Variants in PRKCA observed in about 807,000 individuals in gnomAD.
PRKCA encodes the protein protein kinase C alpha.
In PRKCA, 27 loss-of-function variants were observed where a neutral mutation model predicts 87.0. That is an observed-to-expected ratio of 0.31 (90% CI 0.23 to 0.43). The LOEUF (loss-of-function observed/expected upper bound fraction) is 0.43, where lower values mean the gene tolerates loss of function less well. Among genes scored for constraint, PRKCA ranks in the 20% least tolerant of loss-of-function variants. The pLI, the probability that PRKCA is intolerant of heterozygous loss-of-function variation, is 1.00. For missense variants in PRKCA, 518 were observed against 852.3 expected, an observed-to-expected ratio of 0.61 and a Z score of 4.88; for synonymous variants, 329 against 311.1, an observed-to-expected ratio of 1.06 and a Z score of -0.61.
intron 2 of PRKCA, among the ~76,000 whole-genome samples, chr17:66,411,872 T>C (rs1911827532): frequency 6.6e-6 from 1 of 151,246 alleles, no homozygotes; most frequent in African/African-American, 2.4e-5. Context: ...TACTTTCTGG[T>C]AATTTTTGAG....
intron 2 of PRKCA, among the ~76,000 whole-genome samples, chr17:66,311,149 T>G (rs1032176797): frequency 6.6e-6 from 1 of 152,200 alleles, no homozygotes; most frequent in African/African-American, 2.4e-5. Flanking sequence ...TAATTAGAGA[T>G]AAACTCTTGG....
At chr17:66,766,883 C>T (rs1974824050) in intron 13 of PRKCA, among the ~76,000 whole-genome samples, 1 of 151,652 alleles carries the variant, frequency 6.6e-6, no homozygotes, top group Non-Finnish European at 1.5e-5. Context: ...TGGCTTTAAC[C>T]AAGTTAAACA....
chr17:66,747,930 G>A (rs527984132), intron 13 of PRKCA, among the ~76,000 whole-genome samples: 1 of 152,338 alleles, frequency 6.6e-6, no homozygotes, highest in East Asian at 1.9e-4. Flanking sequence ...GGGGTGCCGG[G>A]CCAGAAAGAG....
chr17:66,753,715 C>T lies in PRKCA; in HGVS notation c.1524+10955C>T, dbSNP rs377031712. ...GGGGAGAATGAACTCATCAAGGTGG[C>T]GCTCTGATCTGATAGGATTAGTGTT... On this transcript the variant is annotated intron_variant, in intron 13 of 16. Coordinates refer to ENST00000413366, the MANE Select transcript of PRKCA (RefSeq NM_002737.3). Among the ~76,000 whole-genome samples, 49 of 152,154 alleles carry T rather than the reference C, an allele frequency of 3.2e-4. No individual in the cohort carries two copies. The South Asian group carries it at 7.7e-3, about 24-fold the overall frequency.
intron 2 of PRKCA, among the ~76,000 whole-genome samples, chr17:66,316,868 C>T (rs1036656573): frequency 3.3e-5 from 5 of 152,040 alleles, no homozygotes; most frequent in Non-Finnish European, 5.9e-5. Flanking sequence ...AGCAGCCGGG[C>T]GTGGTGGCTC....
rs995699408 is a variant in PRKCA, at chr17:66,803,536, C to T, written c.1855-337C>T. Among the ~76,000 whole-genome samples the T allele has an allele frequency of 2.0e-5, 3 of 152,224 alleles. No individual in the cohort carries two copies. The highest frequency in any genetic ancestry group is 7.2e-5 in the African/African-American group (3 of 41,462). ...CAACACGGAGCTGTGACTGACGGCC[C>T]TGCGTGCGTGGCTTCCGTGCTCTCA... On this transcript the variant is annotated intron_variant, in intron 16 of 16. Coordinates refer to ENST00000413366, the MANE Select transcript of PRKCA (RefSeq NM_002737.3). The surrounding 1 kb of genome is among the most constrained non-coding windows in gnomAD (Gnocchi z 4.4).
intron 8 of PRKCA, among the ~76,000 whole-genome samples, chr17:66,716,185 T>C (rs2144143189): frequency 6.6e-6 from 1 of 152,036 alleles, no homozygotes; most frequent in South Asian, 2.1e-4. Context: ...AATTACCCAC[T>C]TCGAAGCCAT....
intron 5 of PRKCA, among the ~76,000 whole-genome samples, chr17:66,666,248 T>C (rs1164838954): frequency 1.3e-5 from 2 of 152,144 alleles, no homozygotes; most frequent in Non-Finnish European, 2.9e-5. Flanking sequence ...CTAGCAAACA[T>C]AGAATTATAA....
intron 2 of PRKCA, among the ~76,000 whole-genome samples, chr17:66,352,558 G>T (rs1334734304): frequency 3.7e-4 from 31 of 83,760 alleles, no homozygotes; most frequent in South Asian, 5.3e-4. Flanking sequence ...GTTTTTTGAG[G>T]TTTTTTTTTT....
At chr17:66,735,990 G>A (rs1176061495) in intron 10 of PRKCA, among the ~76,000 whole-genome samples, 1 of 138,582 alleles carries the variant, frequency 7.2e-6, no homozygotes, top group Non-Finnish European at 1.5e-5. Flanking sequence ...GCACAGTCAC[G>A]GCCCACTGCA....
At chr17:66,524,384 C>T (rs1967273159) in intron 3 of PRKCA, among the ~76,000 whole-genome samples, 1 of 152,182 alleles carries the variant, frequency 6.6e-6, no homozygotes, top group Admixed American at 6.5e-5. Flanking sequence ...TTTTGAGTCA[C>T]AAGAAACTGT....
chr17:66,354,111 C>T (rs75319200), intron 2 of PRKCA, among the ~76,000 whole-genome samples: 19,764 of 152,134 alleles, frequency 0.13, 1,551 homozygotes, highest in East Asian at 0.28. Flanking sequence ...ATCGCAGACG[C>T]GAACATTGTT....
At chr17:66,676,629 G>A (rs887992356) in intron 5 of PRKCA, 4 of 152,306 alleles carry the variant, frequency 2.6e-5, no homozygotes, top group Admixed American at 6.5e-5. Flanking sequence ...GGGACCGGCC[G>A]GGGAAGCCTG....
intron 5 of PRKCA, chr17:66,677,075 T>TTTTTTTTTATTTATTTATTTATTTATTTA (rs1555634533): frequency 6.9e-6 from 1 of 144,486 alleles, no homozygotes; most frequent in African/African-American, 2.6e-5. Context: ...CACAGCTTAT[T>TTTTTTTTTATTTATTTATTTATTTATTTA]TTTATTTATT....
chr17:66,406,153 A>G (rs1315663213), intron 2 of PRKCA, among the ~76,000 whole-genome samples: 1 of 152,116 alleles, frequency 6.6e-6, no homozygotes, highest in Admixed American at 6.5e-5. Context: ...ACAGATGTCT[A>G]GGAAGACGGG....
chr17:66,533,442 C>G (rs922494810), intron 3 of PRKCA, among the ~76,000 whole-genome samples: 1 of 152,122 alleles, frequency 6.6e-6, no homozygotes, highest in Non-Finnish European at 1.5e-5. Context: ...TGGTTTGCCT[C>G]AGAATAATTA....
At chr17:66,662,524 T>C (rs1971935725) in intron 5 of PRKCA, among the ~76,000 whole-genome samples, 1 of 152,148 alleles carries the variant, frequency 6.6e-6, no homozygotes, top group South Asian at 2.1e-4. Context: ...AGTCATTTCT[T>C]TTCTGTATCA....
At chr17:66,587,386 T>C (rs1969628195) in intron 3 of PRKCA, among the ~76,000 whole-genome samples, 1 of 152,192 alleles carries the variant, frequency 6.6e-6, no homozygotes, top group Non-Finnish European at 1.5e-5. Flanking sequence ...TAAATTGTAT[T>C]ACACTCTACA....
At chr17:66,375,289 T>C (rs1909359511) in intron 2 of PRKCA, among the ~76,000 whole-genome samples, 1 of 152,192 alleles carries the variant, frequency 6.6e-6, no homozygotes, top group Admixed American at 6.5e-5. Context: ...TAATGAATAT[T>C]TATTGCCTGT....
Sources: gnomAD v4.1 joint callset for allele counts (sites outside exome capture counted in the v4.1 genomes callset) on GRCh38, gnomAD v4.1.1 for gene constraint, Gnocchi (gnomAD v3.1) non-coding constraint, MANE v1.5 for transcripts, NCBI Gene and HGNC (gene_info 2026-07-23, HGNC 2026-07-21) for gene names.